ADAMTSL1: variants seen among roughly 807,000 people sequenced by gnomAD.
The protein encoded by ADAMTSL1 is ADAMTS-like protein 1.
Under a neutral mutation model 201.8 loss-of-function variants are expected in ADAMTSL1, and 126 were observed. The ratio of observed to expected loss-of-function variants is 0.62; its 90% CI spans 0.54 to 0.72. The LOEUF (loss-of-function observed/expected upper bound fraction) is 0.72, where lower values mean the gene tolerates loss of function less well. Ranked by LOEUF, ADAMTSL1 falls within the 30% of genes least tolerant of loss-of-function variation. The pLI is 0.00. For missense variants in ADAMTSL1, 2,679 were observed against 2,277.8 expected, an observed-to-expected ratio of 1.18 and a Z score of -3.59; for synonymous variants, 1,121 against 903.4, an observed-to-expected ratio of 1.24 and a Z score of -4.32.
At chr9:18,386,219 C>A (rs1050472923) in intron 2 of ADAMTSL1, among the ~76,000 whole-genome samples, 2 of 152,122 alleles carry the variant, frequency 1.3e-5, no homozygotes, top group Non-Finnish European at 2.9e-5. Context: ...TGAAAATATA[C>A]TGTTGGTTCA....
chr9:18,451,582 A>G (rs1329236579), intron 2 of ADAMTSL1, among the ~76,000 whole-genome samples: 1 of 152,210 alleles, frequency 6.6e-6, no homozygotes, highest in East Asian at 1.9e-4. Flanking sequence ...TTGTGTAAAT[A>G]TACTTGTTTA....
At chr9:18,827,177 AT>A (rs34163536) in intron 22 of ADAMTSL1, among the ~76,000 whole-genome samples, 5 of 147,420 alleles carry the variant, frequency 3.4e-5, no homozygotes, top group East Asian at 2.0e-4. Context: ...AAAAAAAAAA[AT>A]TTTTTTTGGC....
intron 13 of ADAMTSL1, among the ~76,000 whole-genome samples, chr9:18,692,133 ACT>A (rs775257201): frequency 2.1e-4 from 32 of 152,290 alleles, no homozygotes; most frequent in Non-Finnish European, 4.4e-4. Flanking sequence ...TTGAAGACTC[ACT>A]TATAAGCACC....
intron 2 of ADAMTSL1, among the ~76,000 whole-genome samples, chr9:18,213,678 C>T (rs13285216): frequency 0.18 from 27,676 of 152,056 alleles, 2,613 homozygotes; most frequent in East Asian, 0.24. Context: ...ATAGCACATA[C>T]GGAAACCTCA....
intron 1 of ADAMTSL1, among the ~76,000 whole-genome samples, chr9:17,973,963 G>C (rs1325092806): frequency 1.3e-5 from 2 of 151,326 alleles, no homozygotes; most frequent in African/African-American, 2.4e-5. Flanking sequence ...TTGGCTCTCT[G>C]TTTGTCTGTT....
At chr9:18,113,497 T>C (rs544371711) in intron 1 of ADAMTSL1, among the ~76,000 whole-genome samples, 1 of 152,184 alleles carries the variant, frequency 6.6e-6, no homozygotes, top group Non-Finnish European at 1.5e-5. Flanking sequence ...GGCAACTGGG[T>C]GGTGCCACTT....
chr9:18,357,615 C>G (rs1586960405), intron 2 of ADAMTSL1, among the ~76,000 whole-genome samples: 1 of 152,022 alleles, frequency 6.6e-6, no homozygotes, highest in Non-Finnish European at 1.5e-5. Context: ...GAATCTGAAT[C>G]TAGTTCCTCT....
At chr9:18,096,868 A>G (rs1279067642) in intron 1 of ADAMTSL1, among the ~76,000 whole-genome samples, 2 of 152,202 alleles carry the variant, frequency 1.3e-5, no homozygotes, top group Non-Finnish European at 2.9e-5. Flanking sequence ...TAGAACTCAT[A>G]TAAATAATAT....
chr9:18,592,643 A>G (rs1209003490), intron 4 of ADAMTSL1, among the ~76,000 whole-genome samples: 1 of 152,188 alleles, frequency 6.6e-6, no homozygotes, highest in Non-Finnish European at 1.5e-5. Flanking sequence ...TAAAATTTGA[A>G]GTCAGATAAT....
intron 20 of ADAMTSL1, among the ~76,000 whole-genome samples, chr9:18,801,903 T>C (rs1032758776): frequency 2.6e-5 from 4 of 152,136 alleles, no homozygotes; most frequent in Non-Finnish European, 4.4e-5. Context: ...GTTCTTTACT[T>C]TTAACAGCTT....
intron 1 of ADAMTSL1, among the ~76,000 whole-genome samples, chr9:18,476,877 A>G (rs1430735545): frequency 6.6e-6 from 1 of 152,136 alleles, no homozygotes; most frequent in African/African-American, 2.4e-5. Flanking sequence ...TTGAGTGTGT[A>G]CAAATATTGA....
intron 5 of ADAMTSL1, among the ~76,000 whole-genome samples, chr9:18,634,057 A>G (rs1826949142): frequency 6.6e-6 from 1 of 152,182 alleles, no homozygotes; most frequent in Non-Finnish European, 1.5e-5. Flanking sequence ...CGACAATAGT[A>G]TAAGGCAAGT....
chr9:17,926,136 T>C (rs978814224), intron 1 of ADAMTSL1, among the ~76,000 whole-genome samples: 1 of 152,174 alleles, frequency 6.6e-6, no homozygotes. Flanking sequence ...TTCTTTATTG[T>C]TAATAATCAT....
At chr9:18,606,734 C>A (rs1298685890) in intron 4 of ADAMTSL1, among the ~76,000 whole-genome samples, 1 of 152,180 alleles carries the variant, frequency 6.6e-6, no homozygotes, top group Non-Finnish European at 1.5e-5. Flanking sequence ...TTGATCCACA[C>A]ACCGTACTTC....
intron 25 of ADAMTSL1, among the ~76,000 whole-genome samples, chr9:18,892,172 A>G (rs1213088702): frequency 6.6e-6 from 1 of 152,270 alleles, no homozygotes; most frequent in African/African-American, 2.4e-5. Flanking sequence ...TCTGGAAAGA[A>G]CCTTGCCACA....
At chr9:18,602,211 G>A (rs569538542) in intron 4 of ADAMTSL1, among the ~76,000 whole-genome samples, 1 of 152,264 alleles carries the variant, frequency 6.6e-6, no homozygotes, top group South Asian at 2.1e-4. Context: ...TTTGGTGGAT[G>A]TATTTGTTAG....
intron 2 of ADAMTSL1, among the ~76,000 whole-genome samples, chr9:18,425,537 A>G (rs953404616): frequency 2.6e-5 from 4 of 152,150 alleles, no homozygotes; most frequent in Non-Finnish European, 4.4e-5. Flanking sequence ...TTTTACAGCA[A>G]TAGTTCTGTG....
chr9:18,288,150 C>T (rs1833096203), intron 2 of ADAMTSL1, among the ~76,000 whole-genome samples: 1 of 151,930 alleles, frequency 6.6e-6, no homozygotes, highest in African/African-American at 2.4e-5. Flanking sequence ...AGGAATGAAA[C>T]CTTATATCAC....
intron 1 of ADAMTSL1, among the ~76,000 whole-genome samples, chr9:17,930,594 C>G (rs2131317191): frequency 6.6e-6 from 1 of 152,206 alleles, no homozygotes; most frequent in South Asian, 2.1e-4. Flanking sequence ...AAGTGTGTGG[C>G]TGATGTCTGG....
Sources: allele counts gnomAD v4.1 joint callset (sites outside exome capture counted in the v4.1 genomes callset), GRCh38; gene constraint gnomAD v4.1.1; transcripts MANE v1.5; gene names NCBI Gene and HGNC (gene_info 2026-07-23, HGNC 2026-07-21).